The following CASK variants were observed in gnomAD, a reference collection of about 807,000 sequenced individuals.
CASK encodes the protein calcium/calmodulin dependent serine protein kinase, also known as peripheral plasma membrane protein CASK.
A neutral mutation model predicts 82.9 loss-of-function variants in CASK; 4 were observed. The observed-to-expected ratio is 0.05, with a 90% confidence interval of 0.02 to 0.11. The LOEUF (loss-of-function observed/expected upper bound fraction) is 0.11, where lower values mean the gene tolerates loss of function less well. CASK is among the 10% of genes least tolerant of loss of function. The pLI, the probability that CASK is intolerant of heterozygous loss-of-function variation, is 1.00. For missense variants in CASK, 358 were observed against 720.9 expected, an observed-to-expected ratio of 0.50 and a Z score of 5.76; for synonymous variants, 259 against 253.5, an observed-to-expected ratio of 1.02 and a Z score of -0.20.
intron 1 of CASK, among the ~76,000 whole-genome samples, chrX:41,921,380 A>AT (rs1422337756): frequency 8.9e-6 from 1 of 111,958 alleles, no homozygotes; most frequent in Non-Finnish European, 1.9e-5. Context: ...TTTCATTAAT[A>AT]TTTTTTCATA....
chrX:41,629,977 C>A (rs748069001), intron 9 of CASK, among the ~76,000 whole-genome samples: 2 of 111,700 alleles, frequency 1.8e-5, no homozygotes, highest in African/African-American at 6.5e-5. Context: ...AATTTAGTAT[C>A]TTTTAAGGGC....
intron 9 of CASK, among the ~76,000 whole-genome samples, chrX:41,635,934 T>C (rs1394573830): frequency 2.0e-5 from 2 of 99,242 alleles, no homozygotes; most frequent in East Asian, 6.2e-4. Flanking sequence ...CTTGCTCTTG[T>C]TGCCTAAGCT....
At chrX:41,883,959 T>G (rs933959088) in intron 1 of CASK, among the ~76,000 whole-genome samples, 5 of 112,046 alleles carry the variant, frequency 4.5e-5, no homozygotes, top group Non-Finnish European at 7.5e-5. Flanking sequence ...GGCAATTAAG[T>G]GCTACTGGTC....
intron 2 of CASK, among the ~76,000 whole-genome samples, chrX:41,843,085 A>G (rs1438244101): frequency 1.8e-5 from 2 of 111,712 alleles, no homozygotes; most frequent in Non-Finnish European, 3.8e-5. Flanking sequence ...GGATTTTCAT[A>G]TATACATGAT....
intron 5 of CASK, among the ~76,000 whole-genome samples, chrX:41,689,488 T>C (rs918062716): frequency 2.7e-5 from 3 of 112,126 alleles, no homozygotes; most frequent in African/African-American, 9.7e-5. Context: ...CTCCCTATTT[T>C]AAATTACTGT....
At chrX:41,608,503 T>A (rs1317108225) in intron 12 of CASK, among the ~76,000 whole-genome samples, 1 of 112,023 alleles carries the variant, frequency 8.9e-6, no homozygotes, top group Non-Finnish European at 1.9e-5. Flanking sequence ...ACCAAACAGT[T>A]CTAGGCACCC....
intron 24 of CASK, among the ~76,000 whole-genome samples, chrX:41,532,590 T>A (rs1366615516): frequency 9.1e-6 from 1 of 110,479 alleles, no homozygotes; most frequent in Non-Finnish European, 1.9e-5. Context: ...CTTCCTTCCC[T>A]TTTTTTCCCT....
intron 1 of CASK, among the ~76,000 whole-genome samples, chrX:41,865,075 G>A (rs2071566554): frequency 8.9e-6 from 1 of 111,924 alleles, no homozygotes; most frequent in Non-Finnish European, 1.9e-5. Context: ...CTAAACACTT[G>A]GGGAATTTTT....
intron 8 of CASK, among the ~76,000 whole-genome samples, chrX:41,643,208 C>T (rs1030018343): frequency 4.5e-5 from 5 of 111,709 alleles, no homozygotes; most frequent in African/African-American, 1.6e-4. Flanking sequence ...TAGTGTGATG[C>T]CTCCAGCTTT....
intron 11 of CASK, among the ~76,000 whole-genome samples, chrX:41,611,481 G>A (rs186015703): frequency 2.1e-4 from 24 of 111,668 alleles, no homozygotes; most frequent in African/African-American, 6.2e-4. Context: ...TCTAATAGAG[G>A]ATGATTACGT....
intron 12 of CASK, among the ~76,000 whole-genome samples, chrX:41,604,377 T>C (rs1485540854): frequency 9.8e-6 from 1 of 101,671 alleles, no homozygotes; most frequent in Admixed American, 1.1e-4. Context: ...GAAGGCCATG[T>C]AAATACACAG....
chrX:41,562,721 A>G lies in CASK; in HGVS notation c.1583-1077T>C, dbSNP rs142147904. 2.4e-3 allele frequency: 263 copies of G among 111,354 alleles called. 1 individual carries two copies. The highest frequency in any genetic ancestry group is 8.3e-3 in the African/African-American group (256 of 30,707). 9.2% of individuals were successfully genotyped at this position (111,354 alleles called of 1,213,427 possible). On this transcript the variant is annotated intron_variant, in intron 16 of 26. Transcript: ENST00000378163. ...CATGTCAAAACTGGTGGGATACATT[A>G]AGACAGTACTTAGAGGGAGAGTTTA...
intron 1 of CASK, among the ~76,000 whole-genome samples, chrX:41,858,710 T>C (rs1471527434): frequency 8.9e-6 from 1 of 112,041 alleles, no homozygotes; most frequent in African/African-American, 3.2e-5. Flanking sequence ...CTCCTAAGTC[T>C]TCATACAATA....
intron 10 of CASK, among the ~76,000 whole-genome samples, chrX:41,625,266 A>C (rs765128221): frequency 1.9e-5 from 2 of 103,357 alleles, no homozygotes; most frequent in South Asian, 9.3e-4. Flanking sequence ...GCTCACTGCA[A>C]GCTCTGCCTG....
intron 25 of CASK, 76 bp downstream of exon 25, chrX:41,530,931 G>T: frequency 1.1e-6 from 1 of 923,613 alleles, no homozygotes; most frequent in Non-Finnish European, 1.6e-6. Flanking sequence ...ACTTTCTGAT[G>T]GCATTTTTGA....
intron 5 of CASK, among the ~76,000 whole-genome samples, chrX:41,691,886 A>G (rs927182800): frequency 9.3e-6 from 1 of 107,561 alleles, no homozygotes; most frequent in Non-Finnish European, 1.9e-5. Flanking sequence ...GCCAAGAGTA[A>G]AGATCATAAC....
chrX:41,611,073 C>T (rs1014179820), intron 11 of CASK, among the ~76,000 whole-genome samples: 2 of 111,240 alleles, frequency 1.8e-5, no homozygotes, highest in East Asian at 2.8e-4. Context: ...ACAACTACAG[C>T]GGGAGGGCAG....
chrX:41,665,690 C>T (rs2067105229), intron 6 of CASK: 1 of 416,511 alleles, frequency 2.4e-6, no homozygotes, highest in Non-Finnish European at 4.2e-6. Flanking sequence ...CTGGCACTCC[C>T]TATTGAATTC....
intron 3 of CASK, among the ~76,000 whole-genome samples, chrX:41,760,278 GGACCTCCA>G (rs1437447469): frequency 2.7e-5 from 3 of 111,680 alleles, no homozygotes; most frequent in African/African-American, 9.8e-5. Flanking sequence ...TGAGGGGGAG[GGACCTCCA>G]GATATAAATC....
Sources: allele counts gnomAD v4.1 joint callset (sites outside exome capture counted in the v4.1 genomes callset), GRCh38; gene constraint gnomAD v4.1.1; transcripts MANE v1.5; gene names NCBI Gene and HGNC (gene_info 2026-07-23, HGNC 2026-07-21).